Variants in SLC35F3 observed in about 807,000 individuals in gnomAD.
The protein encoded by SLC35F3 is putative thiamine transporter SLC35F3.
SLC35F3 carries 25 observed loss-of-function variants against 49.9 expected under a neutral mutation model. The observed-to-expected ratio is 0.50, with a 90% CI of 0.37 to 0.70. The LOEUF is 0.70. SLC35F3 is among the 30% of genes least tolerant of loss of function. SLC35F3 has a pLI of 0.00. For missense variants in SLC35F3, 525 were observed against 639.8 expected (o/e 0.82, Z 1.94); for synonymous variants, 275 against 265.4 (o/e 1.04, Z -0.35).
Position 234,261,017 on chromosome 1 carries a change from C to T in SLC35F3, c.608+29276C>T, listed in dbSNP as rs566614240. ...TAGAAAAATGGAAGAGTTTAAGGAC[C>T]GAAATTCTTTTTCCCTTAAAAATGA... is the stretch of plus-strand genomic sequence containing the variant. On this transcript the variant is annotated intron_variant, in intron 3 of 7. Transcript: ENST00000366618. Among the ~76,000 whole-genome samples the T allele has an allele frequency of 1.4e-4, 21 of 152,086 alleles. 1 individual carries two copies. The highest frequency in any genetic ancestry group is 4.6e-4 in the African/African-American group (19 of 41,494).
At chr1:234,223,196 A>C (rs1667235507) in intron 2 of SLC35F3, among the ~76,000 whole-genome samples, 1 of 152,200 alleles carries the variant, frequency 6.6e-6, no homozygotes, top group Non-Finnish European at 1.5e-5. Flanking sequence ...GAAATTATTC[A>C]GACCTTTGAG....
intron 2 of SLC35F3, among the ~76,000 whole-genome samples, chr1:233,916,745 G>A (rs1393487320): frequency 6.6e-6 from 1 of 152,174 alleles, no homozygotes; most frequent in Non-Finnish European, 1.5e-5. Context: ...TGTGGTGGCT[G>A]GAAGGTGGAA....
chr1:234,034,840 A>G (rs1302217688), intron 2 of SLC35F3, among the ~76,000 whole-genome samples: 1 of 152,128 alleles, frequency 6.6e-6, no homozygotes, highest in Non-Finnish European at 1.5e-5. Flanking sequence ...GGCTTTTATT[A>G]CCTTAAGGTA....
intron 2 of SLC35F3, among the ~76,000 whole-genome samples, chr1:234,063,979 C>T (rs921129860): frequency 6.6e-6 from 1 of 152,188 alleles, no homozygotes; most frequent in Non-Finnish European, 1.5e-5. Flanking sequence ...TTGTTAACTG[C>T]ACCTGGAATG....
intron 2 of SLC35F3, among the ~76,000 whole-genome samples, chr1:234,144,953 CTG>C (rs1464178658): frequency 2.0e-5 from 3 of 152,166 alleles, no homozygotes; most frequent in African/African-American, 4.8e-5. Context: ...ATGTGTAGTG[CTG>C]TGTCATTCTC....
At chr1:234,220,430 TC>T (rs1342802520) in intron 2 of SLC35F3, among the ~76,000 whole-genome samples, 2 of 152,164 alleles carry the variant, frequency 1.3e-5, no homozygotes, top group Non-Finnish European at 2.9e-5. Context: ...ACAGCAGCAG[TC>T]CACACATGAG....
At chr1:234,122,158 G>A (rs971447547) in intron 2 of SLC35F3, among the ~76,000 whole-genome samples, 1 of 152,164 alleles carries the variant, frequency 6.6e-6, no homozygotes, top group Non-Finnish European at 1.5e-5. Context: ...CTTCCACAGT[G>A]GTTGAACTAG....
intron 2 of SLC35F3, among the ~76,000 whole-genome samples, chr1:234,130,642 C>A (rs77540338): frequency 2.6e-3 from 326 of 125,704 alleles, no homozygotes; most frequent in Middle Eastern, 0.013. Context: ...GAGACTCTGT[C>A]AAAAAAAAAA....
chr1:234,107,142 T>C (rs1486402772), intron 2 of SLC35F3, among the ~76,000 whole-genome samples: 2 of 152,206 alleles, frequency 1.3e-5, no homozygotes, highest in East Asian at 3.9e-4. Context: ...TGGGCAGGGC[T>C]CTAGGCTATG....
intron 2 of SLC35F3, among the ~76,000 whole-genome samples, chr1:234,072,876 G>A (rs935629096): frequency 2.6e-5 from 4 of 152,168 alleles, no homozygotes; most frequent in Non-Finnish European, 5.9e-5. Flanking sequence ...ACCCTGGAAG[G>A]CTTTGATTAG....
chr1:234,231,957 G>A lies in SLC35F3; in HGVS notation c.608+216G>A, dbSNP rs978434526. On this transcript the variant is annotated intron_variant, in intron 3 of 7. Coordinates refer to ENST00000366618, the MANE Select transcript of SLC35F3 (RefSeq NM_173508.4). The surrounding 1 kb of genome is among the most constrained non-coding windows in gnomAD (Gnocchi z 5.4). ...TCCTTCCTCTACCTCCTGCCCCTCA[G>A]CCCTGGGAGCCCCTTTATATAAAAG... 1.3e-5 allele frequency among the ~76,000 whole-genome samples: 2 copies of A among 152,142 alleles called. No individual in the cohort carries two copies. Among genetic ancestry groups the A allele is most frequent in the Admixed American group, 6.5e-5 (1 of 15,278 alleles).
intron 3 of SLC35F3, among the ~76,000 whole-genome samples, chr1:234,240,475 C>T (rs553293604): frequency 7.3e-5 from 11 of 151,370 alleles, no homozygotes; most frequent in South Asian, 2.1e-4. Flanking sequence ...CATGGTGGCA[C>T]GTCCCTGTAG....
chr1:233,959,159 T>G (rs572304815), intron 2 of SLC35F3, among the ~76,000 whole-genome samples: 7 of 152,344 alleles, frequency 4.6e-5, no homozygotes, highest in African/African-American at 1.7e-4. Flanking sequence ...AAGCTTAGTC[T>G]CTTTTTCCTA....
rs36039526 is a variant in SLC35F3 at position 234,299,804 on chromosome 1, CAAAAAAAAAAA to C, written c.609-9287_609-9277del. On this transcript the variant is annotated intron_variant, in intron 3 of 7. Coordinates refer to ENST00000366618, the MANE Select transcript of SLC35F3 (RefSeq NM_173508.4). ...TGAGCGATAGAGCAAGACTCCATCT[CAAAAAAAAAAA>C]AAAAAAAAAGAGAAGAAAAAAAATT... is the stretch of plus-strand genomic sequence containing the variant. Among the ~76,000 whole-genome samples the C allele has an allele frequency of 5.7e-3, 480 of 84,666 alleles. 1 individual carries two copies. The highest frequency in any genetic ancestry group is 9.3e-3 in the Middle Eastern group (1 of 108). 55.5% of individuals were successfully genotyped at this position (84,666 alleles called of 152,430 possible).
At chr1:234,289,415 G>T (rs1668472485) in intron 3 of SLC35F3, among the ~76,000 whole-genome samples, 1 of 152,180 alleles carries the variant, frequency 6.6e-6, no homozygotes, top group Non-Finnish European at 1.5e-5. Flanking sequence ...CTGGGGCTGG[G>T]TTAAGTCTGT....
chr1:233,975,999 T>C (rs1663074031), intron 2 of SLC35F3, among the ~76,000 whole-genome samples: 1 of 152,226 alleles, frequency 6.6e-6, no homozygotes, highest in African/African-American at 2.4e-5. Flanking sequence ...AGAAATAAGA[T>C]AATCCTGAAA....
At chr1:234,119,145 G>T (rs1665536181) in intron 2 of SLC35F3, among the ~76,000 whole-genome samples, 1 of 152,058 alleles carries the variant, frequency 6.6e-6, no homozygotes, top group Non-Finnish European at 1.5e-5. Context: ...GAAATCACAT[G>T]GCAGGGGTGG....
chr1:233,964,282 C>T (rs984803046), intron 2 of SLC35F3, among the ~76,000 whole-genome samples: 10 of 152,272 alleles, frequency 6.6e-5, no homozygotes, highest in African/African-American at 1.7e-4. Context: ...AGATGTGAGG[C>T]GTGCTCAAAA....
At position 233,939,379 on chromosome 1, in the gene SLC35F3, C is replaced by T. The variant is rs147344176; in HGVS notation, c.283+33621C>T. Among the ~76,000 whole-genome samples the T allele has an allele frequency of 8.4e-3, 1,282 of 152,178 alleles. 15 individuals carry two copies. Among genetic ancestry groups the T allele is most frequent in the African/African-American group, 0.029 (1,194 of 41,512 alleles). ...CTGAGGTGAGAGGATCACTTGAGCC[C>T]AGGAGATTGAGGCTGCAGTGAGCTG... On this transcript the variant is annotated intron_variant, in intron 2 of 7. Coordinates refer to ENST00000366618, the MANE Select transcript of SLC35F3 (RefSeq NM_173508.4).
Sources: gnomAD v4.1 joint callset for allele counts (sites outside exome capture counted in the v4.1 genomes callset) on GRCh38, gnomAD v4.1.1 for gene constraint, Gnocchi (gnomAD v3.1) non-coding constraint, MANE v1.5 for transcripts, NCBI Gene and HGNC (gene_info 2026-07-23, HGNC 2026-07-21) for gene names.